CDH13: variants seen among roughly 807,000 people sequenced by gnomAD.
The protein encoded by CDH13 is cadherin-13.
A neutral mutation model predicts 63.8 loss-of-function variants in CDH13; 24 were observed. The observed-to-expected ratio is 0.38, with a 90% confidence interval of 0.27 to 0.53. CDH13 has a LOEUF of 0.53. Ranked by LOEUF, CDH13 falls within the 20% of genes least tolerant of loss-of-function variation. The probability of loss-of-function intolerance (pLI) is 0.85; values close to 1 mark genes in which losing one functional copy is unlikely to be tolerated. For synonymous variants in CDH13, 503 were observed against 355.3 expected, an observed-to-expected ratio of 1.42 and a Z score of -4.67; for missense variants, 1,049 against 903.1, an observed-to-expected ratio of 1.16 and a Z score of -2.07.
At chr16:83,001,818 T>A (rs1411289771) in intron 2 of CDH13, among the ~76,000 whole-genome samples, 1 of 152,148 alleles carries the variant, frequency 6.6e-6, no homozygotes, top group Non-Finnish European at 1.5e-5. Context: ...TTGGAGAAGA[T>A]CACTTTTGAC....
At position 83,768,130 on chromosome 16, in the gene CDH13, C is replaced by A. The variant is rs963944603; in HGVS notation, c.1682-11838C>A. Reference sequence around the variant, plus strand: ...TACCTAGGGAAATAATCACCACTTACATTTTTATATATGTCTTTCTAATTT... The same window carrying A: ...TACCTAGGGAAATAATCACCACTTAAATTTTTATATATGTCTTTCTAATTT... On this transcript the variant is annotated intron_variant, in intron 11 of 13. Transcript: ENST00000567109. 5.9e-5 allele frequency among the ~76,000 whole-genome samples: 9 copies of A among 152,142 alleles called. 1 individual carries two copies. Among genetic ancestry groups the A allele is most frequent in the Middle Eastern group, 6.8e-3 (2 of 294 alleles).
chr16:83,777,666 A>G (rs1190335077), intron 11 of CDH13, among the ~76,000 whole-genome samples: 2 of 152,246 alleles, frequency 1.3e-5, no homozygotes, highest in East Asian at 1.9e-4. Context: ...TGTCTAAGTA[A>G]TAAGCTGTCT....
At chr16:82,916,534 A>G (rs2041996525) in intron 2 of CDH13, among the ~76,000 whole-genome samples, 1 of 152,048 alleles carries the variant, frequency 6.6e-6, no homozygotes, top group Non-Finnish European at 1.5e-5. Flanking sequence ...AGATCGCGCC[A>G]CAGCACTCCA....
At chr16:83,058,317 G>A (rs1050663900) in intron 3 of CDH13, among the ~76,000 whole-genome samples, 6 of 152,162 alleles carry the variant, frequency 3.9e-5, no homozygotes, top group African/African-American at 9.7e-5. Flanking sequence ...AGGTAGCAGC[G>A]CCTCCACGTT....
At chr16:83,070,239 T>C (rs2032331364) in intron 3 of CDH13, among the ~76,000 whole-genome samples, 1 of 152,124 alleles carries the variant, frequency 6.6e-6, no homozygotes, top group Admixed American at 6.6e-5. Context: ...ATACATGTGG[T>C]CTCTTTCCCT....
intron 6 of CDH13, among the ~76,000 whole-genome samples, chr16:83,390,066 A>G (rs2091756151): frequency 1.3e-5 from 2 of 152,206 alleles, no homozygotes; most frequent in South Asian, 4.1e-4. Flanking sequence ...TTCCCAGAAA[A>G]AAAAATGCAC....
At chr16:83,108,196 G>A (rs909404630) in intron 3 of CDH13, among the ~76,000 whole-genome samples, 13 of 152,190 alleles carry the variant, frequency 8.5e-5, no homozygotes, top group Admixed American at 2.0e-4. Flanking sequence ...TGAAGTATCC[G>A]CATGATGCAT....
intron 11 of CDH13, 113 bp from the exon 12 acceptor site, chr16:83,779,855 C>T: frequency 1.4e-6 from 1 of 717,366 alleles, no homozygotes; most frequent in South Asian, 2.0e-5. Flanking sequence ...GAGACCCTGT[C>T]TCAAAAAATA....
intron 6 of CDH13, among the ~76,000 whole-genome samples, chr16:83,476,429 T>G (rs902722255): frequency 1.3e-5 from 2 of 152,232 alleles, no homozygotes; most frequent in Admixed American, 6.5e-5. Context: ...TCCCAGCACT[T>G]TGAGAGGCCA....
intron 8 of CDH13, among the ~76,000 whole-genome samples, chr16:83,610,972 T>C (rs1908807101): frequency 6.6e-6 from 1 of 152,218 alleles, no homozygotes; most frequent in Non-Finnish European, 1.5e-5. Context: ...TTTTTTGGTT[T>C]GTTATTATTT....
intron 5 of CDH13, among the ~76,000 whole-genome samples, chr16:83,260,200 T>C (rs912000703): frequency 6.6e-6 from 1 of 151,970 alleles, no homozygotes; most frequent in African/African-American, 2.4e-5. Flanking sequence ...CTTTGTAGTT[T>C]CTCTTCTACT....
intron 2 of CDH13, among the ~76,000 whole-genome samples, chr16:82,907,850 C>A (rs1389747072): frequency 6.6e-6 from 1 of 152,110 alleles, no homozygotes; most frequent in East Asian, 1.9e-4. Context: ...GAGTATGTTC[C>A]CCCCAAAGTA....
At chr16:83,343,470 T>C (rs1373435494) in intron 5 of CDH13, among the ~76,000 whole-genome samples, 2 of 152,240 alleles carry the variant, frequency 1.3e-5, no homozygotes, top group African/African-American at 2.4e-5. Flanking sequence ...TGCAAACTTA[T>C]ATAGGATCAG....
At chr16:82,971,793 C>G (rs954206489) in intron 2 of CDH13, among the ~76,000 whole-genome samples, 2 of 152,194 alleles carry the variant, frequency 1.3e-5, no homozygotes, top group Non-Finnish European at 2.9e-5. Flanking sequence ...CCTTAACTGC[C>G]TGTGCCCCTT....
At chr16:82,843,971 T>C (rs1223383917) in intron 1 of CDH13, among the ~76,000 whole-genome samples, 1 of 152,206 alleles carries the variant, frequency 6.6e-6, no homozygotes, top group Admixed American at 6.5e-5. Context: ...CCCTCGTGGA[T>C]ATTTTGGACT....
intron 2 of CDH13, among the ~76,000 whole-genome samples, chr16:83,011,419 G>C (rs917929694): frequency 2.0e-5 from 3 of 152,168 alleles, no homozygotes; most frequent in Non-Finnish European, 4.4e-5. Flanking sequence ...TCTGAAAGAA[G>C]GTGAGCCCTC....
intron 4 of CDH13, among the ~76,000 whole-genome samples, chr16:83,199,870 A>C (rs2038974556): frequency 6.6e-6 from 1 of 152,186 alleles, no homozygotes; most frequent in Non-Finnish European, 1.5e-5. Context: ...GGTTAAAACC[A>C]AGGGCACATT....
intron 8 of CDH13, among the ~76,000 whole-genome samples, chr16:83,631,431 G>C (rs756687277): frequency 2.0e-5 from 3 of 152,110 alleles, no homozygotes; most frequent in Non-Finnish European, 2.9e-5. Flanking sequence ...CTTGAACTCT[G>C]TGACCATCCT....
rs190961595 is a variant in CDH13, at chr16:83,421,328, A to G, written c.782-65149A>G. On this transcript the variant is annotated intron_variant, in intron 6 of 13. Coordinates refer to ENST00000567109, the MANE Select transcript of CDH13 (RefSeq NM_001257.5). ...CAGTACTAGATTAAACAATAAATAA[A>G]TGTAATTAATTCATATAAAGTGATT... Among the ~76,000 whole-genome samples, 250 of 152,352 alleles carry G rather than the reference A, an allele frequency of 1.6e-3. 1 individual carries two copies. Among genetic ancestry groups the G allele is most frequent in the African/African-American group, 5.8e-3 (241 of 41,586 alleles).
Sources: allele counts gnomAD v4.1 joint callset (sites outside exome capture counted in the v4.1 genomes callset), GRCh38; gene constraint gnomAD v4.1.1; transcripts MANE v1.5; gene names NCBI Gene and HGNC (gene_info 2026-07-23, HGNC 2026-07-21).